The following RBPJ variants were observed in gnomAD, a reference collection of about 807,000 sequenced individuals.
RBPJ encodes the protein recombining binding protein suppressor of hairless.
A neutral mutation model predicts 67.8 loss-of-function variants in RBPJ; 9 were observed. That is an observed-to-expected ratio of 0.13 (90% confidence interval 0.08 to 0.23). The LOEUF (loss-of-function observed/expected upper bound fraction) is 0.23. RBPJ is among the 10% of genes least tolerant of loss of function. The pLI is 1.00. For synonymous variants in RBPJ, 198 were observed against 203.3 expected (o/e 0.97, Z 0.22); for missense variants, 305 against 595.6 (o/e 0.51, Z 5.08).
the RBPJ span, among the ~76,000 whole-genome samples, chr4:26,152,591 G>A: frequency 6.6e-6 from 1 of 152,190 alleles, no homozygotes; most frequent in African/African-American, 2.4e-5. Context: ...TTCTCACAAT[G>A]AGCTCATAAC....
intron 1 of RBPJ, among the ~76,000 whole-genome samples, chr4:26,246,545 G>A (rs1257396829): frequency 1.2e-4 from 18 of 152,118 alleles, no homozygotes; most frequent in Non-Finnish European, 1.8e-4. Context: ...GGCTCTTTGG[G>A]AAAATGCCAC....
In RBPJ at chr4:26,383,648, C is replaced by G. The variant is rs538652713; in HGVS notation, c.21-2705C>G. Among the ~76,000 whole-genome samples the G allele has an allele frequency of 8.5e-5, 13 of 152,238 alleles. No homozygotes were observed. In the South Asian group the frequency reaches 2.7e-3, roughly 32 times the overall value. On this transcript the variant is annotated intron_variant, in intron 1 of 10. Coordinates refer to ENST00000355476, the MANE Select transcript of RBPJ (RefSeq NM_015874.6). ...TCTTAAACTTTCTGGCTTTTGTACA[C>G]TATTCTATATATAACCTTTAATGAA... is the stretch of plus-strand genomic sequence containing the variant.
At chr4:26,135,348 T>C in the RBPJ span, among the ~76,000 whole-genome samples, 76,752 of 151,704 alleles carry the variant, frequency 0.51, 19,459 homozygotes, top group East Asian at 0.6. Flanking sequence ...TGAAGGAGTG[T>C]GTGTATCCCC....
the RBPJ span, among the ~76,000 whole-genome samples, chr4:26,152,129 T>A: frequency 6.6e-6 from 1 of 152,234 alleles, no homozygotes; most frequent in African/African-American, 2.4e-5. Flanking sequence ...TTATACACTA[T>A]GATAAAACAT....
At chr4:26,267,116 A>G (rs767338311) in intron 1 of RBPJ, among the ~76,000 whole-genome samples, 6 of 152,162 alleles carry the variant, frequency 3.9e-5, no homozygotes, top group Non-Finnish European at 5.9e-5. Context: ...CCCAGTATTG[A>G]CTTCGCCTCT....
chr4:26,353,629 CAG>C (rs1727036324), intron 1 of RBPJ, among the ~76,000 whole-genome samples: 1 of 130,982 alleles, frequency 7.6e-6, no homozygotes, highest in Admixed American at 8.2e-5. Context: ...TTTTTTTTGA[CAG>C]AGTCTTGCTC....
intron 1 of RBPJ, among the ~76,000 whole-genome samples, chr4:26,250,512 A>G (rs1720076095): frequency 6.6e-6 from 1 of 151,806 alleles, no homozygotes; most frequent in African/African-American, 2.4e-5. Context: ...TTGTATTTTT[A>G]GTAGACCATG....
At chr4:26,234,541 T>G (rs1719390270) in intron 1 of RBPJ, among the ~76,000 whole-genome samples, 1 of 152,314 alleles carries the variant, frequency 6.6e-6, no homozygotes, top group Middle Eastern at 3.4e-3. Context: ...TGTTACCTTT[T>G]CAGTGAGAAC....
At position 26,196,210 on chromosome 4, in the gene RBPJ, A is replaced by G. The variant is rs186818594; in HGVS notation, c.-167+32596A>G. Among the ~76,000 whole-genome samples the G allele has an allele frequency of 2.4e-3, 371 of 152,348 alleles. 1 individual carries two copies. Among genetic ancestry groups the G allele is most frequent in the Admixed American group, 7.3e-3 (111 of 15,300 alleles). On this transcript the variant is annotated intron_variant, in intron 1 of 4. Coordinates refer to the RBPJ transcript ENST00000512351. Reference sequence around the variant, plus strand: ...CCATCAGCTGGTGTATGGATGAATGAAATGTTCTGTATCCACAGAGCAGAA... The same window carrying G: ...CCATCAGCTGGTGTATGGATGAATGGAATGTTCTGTATCCACAGAGCAGAA...
intron 1 of RBPJ, among the ~76,000 whole-genome samples, chr4:26,240,595 T>C (rs1719602744): frequency 6.6e-6 from 1 of 152,204 alleles, no homozygotes. Context: ...TAGTGGGCTC[T>C]TGTCTATGGA....
the RBPJ span, among the ~76,000 whole-genome samples, chr4:26,128,861 A>C: frequency 1.3e-5 from 2 of 152,140 alleles, no homozygotes; most frequent in Non-Finnish European, 2.9e-5. Flanking sequence ...TGGTTTTATA[A>C]GAGGTTCTCC....
intron 7 of RBPJ, among the ~76,000 whole-genome samples, chr4:26,425,563 C>T (rs754625807): frequency 2.0e-5 from 3 of 152,054 alleles, no homozygotes; most frequent in Non-Finnish European, 2.9e-5. Flanking sequence ...GAGCGGTGAT[C>T]GTACCACTGG....
intron 1 of RBPJ, among the ~76,000 whole-genome samples, chr4:26,193,646 A>G (rs1273678256): frequency 6.6e-6 from 1 of 152,140 alleles, no homozygotes; most frequent in African/African-American, 2.4e-5. Context: ...GCTCAACATA[A>G]GCACCTTCTC....
At chr4:26,136,086 C>T in the RBPJ span, among the ~76,000 whole-genome samples, 1 of 152,264 alleles carries the variant, frequency 6.6e-6, no homozygotes, top group Middle Eastern at 3.4e-3. Flanking sequence ...ATTTTTAAAG[C>T]CATCAGATCC....
At chr4:26,114,689 A>C in the RBPJ span, among the ~76,000 whole-genome samples, 2 of 151,980 alleles carry the variant, frequency 1.3e-5, no homozygotes, top group African/African-American at 2.4e-5. Context: ...TGGTATCTTT[A>C]TACGTTGATA....
upstream of RBPJ, among the ~76,000 whole-genome samples, chr4:26,162,193 A>T (rs952009350): frequency 2.6e-5 from 4 of 152,200 alleles, no homozygotes; most frequent in African/African-American, 9.6e-5. Context: ...CTCAAGGCCC[A>T]AGGGGTTGGG....
At chr4:26,407,895 T>C (rs1339970237) in intron 3 of RBPJ, among the ~76,000 whole-genome samples, 4 of 133,674 alleles carry the variant, frequency 3.0e-5, no homozygotes, top group East Asian at 2.1e-4. Flanking sequence ...TTTTTTTTTT[T>C]TTTTTTTTTT....
intron 1 of RBPJ, among the ~76,000 whole-genome samples, chr4:26,373,624 C>T (rs917505465): frequency 2.6e-5 from 4 of 152,172 alleles, no homozygotes; most frequent in Non-Finnish European, 5.9e-5. Flanking sequence ...AAATGGAACT[C>T]TATGTAGATT....
At chr4:26,408,561 G>C (rs1017761350) in intron 3 of RBPJ, among the ~76,000 whole-genome samples, 1 of 152,132 alleles carries the variant, frequency 6.6e-6, no homozygotes, top group South Asian at 2.1e-4. Context: ...GCACCTCATA[G>C]TGAATCCGAG....
Sources: gnomAD v4.1 joint callset for allele counts (sites outside exome capture counted in the v4.1 genomes callset) on GRCh38, gnomAD v4.1.1 for gene constraint, MANE v1.5 for transcripts, NCBI Gene and HGNC (gene_info 2026-07-23, HGNC 2026-07-21) for gene names.